Variants in ELAPOR2 observed in about 807,000 individuals in gnomAD.
ELAPOR2 encodes the protein endosome-lysosome associated apoptosis and autophagy regulator family member 2, also known as endosome/lysosome-associated apoptosis and autophagy regulator family member 2.
In ELAPOR2, 89 loss-of-function variants were observed where a neutral mutation model predicts 120.7. That is an observed-to-expected ratio of 0.74 (90% CI 0.62 to 0.88). The LOEUF (loss-of-function observed/expected upper bound fraction) is 0.88. ELAPOR2 is among the 40% of genes least tolerant of loss of function. The probability of loss-of-function intolerance (pLI) is 0.00; values close to 1 mark genes in which losing one functional copy is unlikely to be tolerated. For missense variants in ELAPOR2, 1,134 were observed against 1,251.6 expected (o/e 0.91, Z 1.42); for synonymous variants, 444 against 444.9 (o/e 1.00, Z 0.03).
chr7:87,007,711 C>T lies in ELAPOR2; in HGVS notation c.190-42687G>A, dbSNP rs1583984014. Among the ~76,000 whole-genome samples the T allele has an allele frequency of 2.0e-5, 3 of 152,018 alleles. No individual in the cohort carries two copies. In the South Asian group the frequency reaches 6.2e-4, roughly 32 times the overall value. ...TATGATAAGCCTAGAACGGCTTGTG[C>T]CAAAAAGTAAAGAAGTGCTCAAAGA... On this transcript the variant is annotated intron_variant, in intron 1 of 21. Coordinates refer to ENST00000450689, the MANE Select transcript of ELAPOR2 (RefSeq NM_001142749.3).
At chr7:86,890,918 A>C (rs574144453) in intron 21 of ELAPOR2, among the ~76,000 whole-genome samples, 1 of 151,970 alleles carries the variant, frequency 6.6e-6, no homozygotes, top group East Asian at 1.9e-4. Context: ...TCTCTTGTCT[A>C]TCCTGTTATA....
intron 21 of ELAPOR2, among the ~76,000 whole-genome samples, chr7:86,882,831 CT>C (rs1162535603): frequency 6.6e-6 from 1 of 152,114 alleles, no homozygotes; most frequent in African/African-American, 2.4e-5. Context: ...TCTCAATTTA[CT>C]CATGTATTAG....
intron 14 of ELAPOR2, 28 bp downstream of exon 14, chr7:86,912,913 G>A: frequency 1.2e-6 from 2 of 1,607,546 alleles, no homozygotes; most frequent in Non-Finnish European, 1.7e-6. Context: ...TGCTTTCATG[G>A]GGATACCTGA....
In ELAPOR2 at chr7:86,925,663, G is replaced by A. The variant is rs774817698; in HGVS notation, c.1271-7C>T. 2.5e-6 allele frequency: 4 copies of A among 1,610,802 alleles called. No homozygotes were observed. The highest frequency in any genetic ancestry group is 1.3e-5 in the African/African-American group (1 of 74,704). On this transcript the variant is annotated splice_polypyrimidine_tract_variant and splice_region_variant and intron_variant, in intron 9 of 21. Transcript: ENST00000450689. The stretch of plus-strand genomic sequence containing the variant: ...GCTGGACATGGTCTACATTCTACAG[G>A]AGACAAGTAGGGTCAACAATTAAAA...
intron 21 of ELAPOR2, among the ~76,000 whole-genome samples, chr7:86,886,495 C>T (rs1002310623): frequency 1.3e-5 from 2 of 151,974 alleles, no homozygotes; most frequent in African/African-American, 4.8e-5. Flanking sequence ...ACAGAGGTAC[C>T]CTTTGAGGTT....
intron 1 of ELAPOR2, among the ~76,000 whole-genome samples, chr7:86,968,539 A>C (rs1025068270): frequency 1.3e-5 from 2 of 152,230 alleles, no homozygotes; most frequent in African/African-American, 4.8e-5. Context: ...TCTATGGACA[A>C]AAATCATTTG....
chr7:87,050,200 T>C (rs1795060750), intron 1 of ELAPOR2, among the ~76,000 whole-genome samples: 1 of 152,188 alleles, frequency 6.6e-6, no homozygotes, highest in African/African-American at 2.4e-5. Context: ...AGAGGCTTCA[T>C]GGAGGTCAGA....
At chr7:86,967,415 A>G (rs1258733787) in intron 1 of ELAPOR2, among the ~76,000 whole-genome samples, 1 of 152,100 alleles carries the variant, frequency 6.6e-6, no homozygotes, top group Non-Finnish European at 1.5e-5. Context: ...AGATTGAACC[A>G]CTGTACTCCA....
At chr7:87,031,574 C>T (rs968509997) in intron 1 of ELAPOR2, among the ~76,000 whole-genome samples, 6 of 152,084 alleles carry the variant, frequency 3.9e-5, no homozygotes, top group African/African-American at 9.7e-5. Context: ...ATCAGAACAG[C>T]GTTAAATACT....
rs143834627 is a variant in ELAPOR2, at chr7:87,059,518, G to T, written c.-5C>A. The stretch of plus-strand genomic sequence containing the variant: ...CCCCCGGGCGCGGAACAGCATCTTC[G>T]TCCGGCCGCGGTCGGCGGGCCGGCG... On this transcript the variant is annotated 5_prime_UTR_variant, in exon 1 of 22. Coordinates refer to ENST00000450689, the MANE Select transcript of ELAPOR2 (RefSeq NM_001142749.3). The T allele has an allele frequency of 1.7e-6, 2 of 1,190,998 alleles. No homozygotes were observed. The highest frequency in any genetic ancestry group is 7.2e-5 in the East Asian group (2 of 27,646). 73.8% of individuals were successfully genotyped at this position (1,190,998 alleles called of 1,614,324 possible).
At chr7:87,052,951 C>T (rs1278009391) in intron 1 of ELAPOR2, among the ~76,000 whole-genome samples, 2 of 152,038 alleles carry the variant, frequency 1.3e-5, no homozygotes, top group Non-Finnish European at 2.9e-5. Flanking sequence ...CCCATGCCAC[C>T]ATGCCCAGCT....
intron 18 of ELAPOR2, among the ~76,000 whole-genome samples, chr7:86,902,158 A>T (rs1032085193): frequency 1.8e-4 from 27 of 150,704 alleles, no homozygotes; most frequent in Admixed American, 1.5e-3. Flanking sequence ...AGCTCTCTGG[A>T]GTCTTTTTTT....
chr7:87,050,239 T>C (rs1795061665), intron 1 of ELAPOR2, among the ~76,000 whole-genome samples: 1 of 152,182 alleles, frequency 6.6e-6, no homozygotes, highest in Non-Finnish European at 1.5e-5. Context: ...ATAGTTTGGA[T>C]ATTTGTCACC....
intron 17 of ELAPOR2, 54 bp from the exon 18 acceptor site, chr7:86,907,825 G>T: frequency 1.0e-6 from 1 of 980,942 alleles, no homozygotes; most frequent in African/African-American, 1.7e-5. Context: ...AGATTACAAA[G>T]ACAAAAATAT....
At chr7:86,964,687 AAAT>A (rs1791839917) in intron 2 of ELAPOR2, among the ~76,000 whole-genome samples, 2 of 152,330 alleles carry the variant, frequency 1.3e-5, no homozygotes, top group South Asian at 2.1e-4. Flanking sequence ...TTTTAAAAAA[AAAT>A]AATAACATTC....
At chr7:86,923,157 T>G (rs1789902082) in intron 10 of ELAPOR2, among the ~76,000 whole-genome samples, 2 of 151,908 alleles carry the variant, frequency 1.3e-5, no homozygotes, top group Admixed American at 1.3e-4. Flanking sequence ...ATATTACCCC[T>G]TTGAGGTAAA....
intron 1 of ELAPOR2, among the ~76,000 whole-genome samples, chr7:86,990,191 C>T (rs542531588): frequency 2.0e-5 from 3 of 152,190 alleles, no homozygotes; most frequent in East Asian, 1.9e-4. Context: ...GGACTACAGG[C>T]ACCTGCCACC....
chr7:87,029,640 G>A (rs1794363870), intron 1 of ELAPOR2, among the ~76,000 whole-genome samples: 1 of 152,184 alleles, frequency 6.6e-6, no homozygotes. Context: ...TGTAAATAAT[G>A]TAACAATGGT....
At chr7:86,930,711 C>A (rs1015983270) in intron 8 of ELAPOR2, among the ~76,000 whole-genome samples, 1 of 151,970 alleles carries the variant, frequency 6.6e-6, no homozygotes, top group Non-Finnish European at 1.5e-5. Context: ...CCCTACCAGG[C>A]ACTCTTTGAG....
Sources: gnomAD v4.1 joint callset for allele counts (sites outside exome capture counted in the v4.1 genomes callset) on GRCh38, gnomAD v4.1.1 for gene constraint, MANE v1.5 for transcripts, NCBI Gene and HGNC (gene_info 2026-07-23, HGNC 2026-07-21) for gene names.